The following IMMP2L variants were observed in gnomAD, a reference collection of about 807,000 sequenced individuals.
IMMP2L encodes the protein mitochondrial inner membrane protease subunit 2.
IMMP2L carries 18 observed loss-of-function variants against 19.3 expected under a neutral mutation model. The observed-to-expected ratio is 0.93, with a 90% CI of 0.64 to 1.38. The LOEUF (loss-of-function observed/expected upper bound fraction) is 1.38. Ranked by LOEUF, IMMP2L falls within the 40% of genes most tolerant of loss-of-function variation. The pLI, the probability that IMMP2L is intolerant of heterozygous loss-of-function variation, is 0.00. For missense variants in IMMP2L, 233 were observed against 218.2 expected (o/e 1.07, Z -0.43); for synonymous variants, 76 against 73.0 (o/e 1.04, Z -0.21).
At chr7:111,148,007 T>A (rs1321078498) in intron 3 of IMMP2L, among the ~76,000 whole-genome samples, 1 of 152,062 alleles carries the variant, frequency 6.6e-6, no homozygotes, top group African/African-American at 2.4e-5. Flanking sequence ...CTCCTAGGTA[T>A]ACACCCCAAG....
chr7:111,167,857 T>G (rs994510864), intron 3 of IMMP2L, among the ~76,000 whole-genome samples: 2 of 151,980 alleles, frequency 1.3e-5, no homozygotes, highest in Non-Finnish European at 2.9e-5. Flanking sequence ...TCTGAGCTAT[T>G]GGGTATATGC....
chr7:111,554,601 T>C (rs1352704838), intron 1 of IMMP2L, among the ~76,000 whole-genome samples: 2 of 151,924 alleles, frequency 1.3e-5, no homozygotes, highest in Non-Finnish European at 2.9e-5. Flanking sequence ...CCTCAAAGCA[T>C]TGCTTTATTT....
chr7:110,852,512 T>C (rs568317425), intron 5 of IMMP2L, among the ~76,000 whole-genome samples: 1 of 152,158 alleles, frequency 6.6e-6, no homozygotes, highest in African/African-American at 2.4e-5. Context: ...TGATCTTCTA[T>C]AGGGCTGTTG....
At chr7:111,541,037 G>C (rs1378784000) in intron 1 of IMMP2L, among the ~76,000 whole-genome samples, 1 of 152,136 alleles carries the variant, frequency 6.6e-6, no homozygotes, top group Non-Finnish European at 1.5e-5. Context: ...TTTGTACCAA[G>C]TCAGAAATAA....
chr7:111,532,541 G>C (rs556171631), intron 1 of IMMP2L: 15 of 152,164 alleles, frequency 9.9e-5, no homozygotes, highest in African/African-American at 3.6e-4. Context: ...CTTTGATCAG[G>C]GTTGGGAGTA....
intron 3 of IMMP2L, among the ~76,000 whole-genome samples, chr7:111,208,572 G>C (rs1002832938): frequency 6.6e-6 from 1 of 152,110 alleles, no homozygotes; most frequent in Non-Finnish European, 1.5e-5. Context: ...GGTTCACAAA[G>C]GATGGAGAAG....
In IMMP2L at chr7:111,405,175, A is replaced by G. The variant is rs770467383; in HGVS notation, c.239+82063T>C. Among the ~76,000 whole-genome samples, 4 of 152,228 alleles carry G rather than the reference A, an allele frequency of 2.6e-5. No homozygotes were observed. The South Asian group carries it at 8.3e-4, about 32-fold the overall frequency. ...CTCATTTTTAGTTACTTACTAGACA[A>G]TGTGCAATGGTGTACTTTTATAAAA... is the stretch of plus-strand genomic sequence containing the variant. On this transcript the variant is annotated intron_variant, in intron 3 of 5. Coordinates refer to ENST00000405709, the MANE Select transcript of IMMP2L (RefSeq NM_032549.4).
rs947466755 is a variant in IMMP2L, at chr7:110,663,339, T to C, written c.*263A>G. 2.7e-5 allele frequency: 8 copies of C among 294,538 alleles called. No individual in the cohort carries two copies. Among genetic ancestry groups the C allele is most frequent in the Non-Finnish European group, 4.4e-5 (7 of 158,986 alleles). 18.2% of individuals were successfully genotyped at this position (294,538 alleles called of 1,614,324 possible). ...GCCCCATTAAGACATGTGGGTGCAA[T>C]ATTTTTATATTCCCAAAGGTCTGCA... On this transcript the variant is annotated 3_prime_UTR_variant, in exon 6 of 6. Coordinates refer to ENST00000405709, the MANE Select transcript of IMMP2L (RefSeq NM_032549.4).
At position 111,521,355 on chromosome 7, in the gene IMMP2L, A is replaced by C; in HGVS notation, c.93T>G (p.Asp31Glu). The C allele has an allele frequency of 6.2e-7, 1 of 1,613,258 alleles. No homozygotes were observed. Among genetic ancestry groups the C allele is most frequent in the Non-Finnish European group, 8.5e-7 (1 of 1,179,476 alleles). The change falls in exon 2 of 6, where the codon GAT becomes GAG. Residue 31 changes from aspartate (D) to glutamate (E), a missense_variant. Physicochemically the swap from Asp to Glu is conservative, Grantham distance 45. Transcript: ENST00000405709. ...VAVPVAVTFLDRVACVARVEG... is the reference protein window; with the variant it reads ...VAVPVAVTFLERVACVARVEG... The stretch of plus-strand genomic sequence containing the variant: ...CTACTCTTGCCACACAGGCGACCCG[A>C]TCCAAGAAAGTCACTGCCACAGGCA...
At chr7:111,074,511 T>A (rs1795226796) in intron 3 of IMMP2L, among the ~76,000 whole-genome samples, 1 of 152,180 alleles carries the variant, frequency 6.6e-6, no homozygotes, top group Non-Finnish European at 1.5e-5. Context: ...GTCTTCTCAT[T>A]TTTGGACATA....
chr7:111,159,168 T>G (rs1390506893), intron 3 of IMMP2L, among the ~76,000 whole-genome samples: 2 of 152,170 alleles, frequency 1.3e-5, no homozygotes, highest in East Asian at 1.9e-4. Flanking sequence ...CAGGTTGGAG[T>G]GCAGTAGCAT....
chr7:111,503,349 G>C (rs1844508569), intron 2 of IMMP2L, among the ~76,000 whole-genome samples: 1 of 152,032 alleles, frequency 6.6e-6, no homozygotes, highest in Admixed American at 6.6e-5. Context: ...ACCAAAAAAA[G>C]TCCAGGACCA....
At chr7:110,852,912 C>T (rs1489196038) in intron 5 of IMMP2L, among the ~76,000 whole-genome samples, 2 of 151,986 alleles carry the variant, frequency 1.3e-5, no homozygotes, top group Non-Finnish European at 2.9e-5. Flanking sequence ...TTTGAGCCAT[C>T]CCAGATGATA....
intron 3 of IMMP2L, among the ~76,000 whole-genome samples, chr7:111,465,443 G>A (rs907268028): frequency 7.3e-6 from 1 of 136,792 alleles, no homozygotes; most frequent in South Asian, 2.4e-4. Flanking sequence ...TGTGTACTTA[G>A]TTTTGTTTAA....
chr7:111,533,429 G>A (rs186159019), intron 1 of IMMP2L, among the ~76,000 whole-genome samples: 7 of 152,222 alleles, frequency 4.6e-5, no homozygotes, highest in Admixed American at 6.5e-5. Context: ...AAGCTGACCC[G>A]CTCCTAAATT....
chr7:110,834,514 C>T (rs1804256710), intron 5 of IMMP2L, among the ~76,000 whole-genome samples: 1 of 151,958 alleles, frequency 6.6e-6, no homozygotes, highest in Non-Finnish European at 1.5e-5. Flanking sequence ...AGGAGACAAC[C>T]CCTGGAAGGA....
At position 111,015,043 on chromosome 7, in the gene IMMP2L, C is replaced by T. The variant is rs147911689; in HGVS notation, c.240-51478G>A. On this transcript the variant is annotated intron_variant, in intron 3 of 5. Coordinates refer to ENST00000405709, the MANE Select transcript of IMMP2L (RefSeq NM_032549.4). ...AAAATTACCATATGATTCAGCAATG[C>T]CATCTCTGGGTATATACACAAAGGA... Among the ~76,000 whole-genome samples the T allele has an allele frequency of 1.7e-3, 265 of 152,172 alleles. 1 individual carries two copies. The highest frequency in any genetic ancestry group is 5.3e-3 in the African/African-American group (218 of 41,504).
intron 3 of IMMP2L, among the ~76,000 whole-genome samples, chr7:111,347,647 T>C (rs1324269286): frequency 6.6e-6 from 1 of 151,964 alleles, no homozygotes; most frequent in African/African-American, 2.4e-5. Context: ...GTGTTCATAT[T>C]TCCCAATCAC....
At chr7:111,088,696 T>C (rs1298636045) in intron 3 of IMMP2L, among the ~76,000 whole-genome samples, 1 of 152,168 alleles carries the variant, frequency 6.6e-6, no homozygotes, top group East Asian at 1.9e-4. Context: ...CCTAAAATCC[T>C]TACTGTATTA....
Sources: allele counts gnomAD v4.1 joint callset (sites outside exome capture counted in the v4.1 genomes callset), GRCh38; gene constraint gnomAD v4.1.1; transcripts MANE v1.5; gene names NCBI Gene and HGNC (gene_info 2026-07-23, HGNC 2026-07-21).